RBFOX1: variants seen among roughly 807,000 people sequenced by gnomAD.
The protein encoded by RBFOX1 is RNA binding fox-1 homolog 1, also known as RNA binding protein fox-1 homolog 1.
Under a neutral mutation model 57.7 loss-of-function variants are expected in RBFOX1, and 8 were observed. The observed-to-expected ratio is 0.14, with a 90% CI of 0.08 to 0.25. RBFOX1 has a LOEUF of 0.25. Ranked by LOEUF, RBFOX1 falls within the 10% of genes least tolerant of loss-of-function variation. The probability of loss-of-function intolerance (pLI) is 1.00; values close to 1 mark genes in which losing one functional copy is unlikely to be tolerated. For missense variants in RBFOX1, 611 were observed against 548.5 expected, an observed-to-expected ratio of 1.11 and a Z score of -1.14; for synonymous variants, 326 against 222.4, an observed-to-expected ratio of 1.47 and a Z score of -4.15.
At chr16:7,164,107 C>G (rs1390319143) in intron 4 of RBFOX1, among the ~76,000 whole-genome samples, 3 of 152,006 alleles carry the variant, frequency 2.0e-5, no homozygotes, top group Non-Finnish European at 4.4e-5. Context: ...GTCTTTTCTC[C>G]CTCACCCCCT....
At chr16:6,873,579 G>T (rs570294958) in intron 3 of RBFOX1, among the ~76,000 whole-genome samples, 1 of 152,146 alleles carries the variant, frequency 6.6e-6, no homozygotes, top group East Asian at 1.9e-4. Flanking sequence ...ATAAACTATT[G>T]AGTTAAACAT....
intron 3 of RBFOX1, among the ~76,000 whole-genome samples, chr16:6,730,659 A>G (rs577041291): frequency 3.5e-4 from 53 of 152,336 alleles, no homozygotes; most frequent in Admixed American, 6.5e-4. Flanking sequence ...AAAATCTTCA[A>G]TCATGGTGAA....
At chr16:5,441,624 C>G (rs1167102391) in intron 1 of RBFOX1, among the ~76,000 whole-genome samples, 1 of 152,160 alleles carries the variant, frequency 6.6e-6, no homozygotes, top group African/African-American at 2.4e-5. Context: ...CTTGACCTCC[C>G]AAAGTGCTGG....
At chr16:5,365,545 T>G (rs1011424930) in intron 1 of RBFOX1, among the ~76,000 whole-genome samples, 1 of 152,176 alleles carries the variant, frequency 6.6e-6, no homozygotes, top group African/African-American at 2.4e-5. Flanking sequence ...GGCATGTGCC[T>G]GTAGTCCCAG....
Position 6,659,736 on chromosome 16 carries a change from C to T in RBFOX1, c.-16+5086C>T, listed in dbSNP as rs545011763. ...CTCTAGCTGGTTCACAGTGAGGATT[C>T]TTCACAGTGTTTACAAGCCTGCCCT... On this transcript the variant is annotated intron_variant, in intron 3 of 15. Coordinates refer to ENST00000550418, the MANE Select transcript of RBFOX1 (RefSeq NM_018723.4). Among the ~76,000 whole-genome samples, 5 of 152,254 alleles carry T rather than the reference C, an allele frequency of 3.3e-5. No individual in the cohort carries two copies. In the East Asian group the frequency reaches 9.7e-4, roughly 30 times the overall value.
At chr16:6,636,833 TATA>T (rs1238907425) in intron 2 of RBFOX1, among the ~76,000 whole-genome samples, 3 of 55,368 alleles carry the variant, frequency 5.4e-5, no homozygotes, top group Middle Eastern at 0.011. Flanking sequence ...ATATGTTATA[TATA>T]ATATATAATA....
Position 6,728,742 on chromosome 16 carries a change from G to A in RBFOX1, c.-16+74092G>A, listed in dbSNP as rs533668407. ...ATTTAATGCTCAATAGAAGAAACACGGTGTCTCCTTACCTTCTGAATTTCA... is the reference window on the plus strand; with the variant it reads ...ATTTAATGCTCAATAGAAGAAACACAGTGTCTCCTTACCTTCTGAATTTCA... On this transcript the variant is annotated intron_variant, in intron 3 of 15. Transcript: ENST00000550418. 6.6e-5 allele frequency among the ~76,000 whole-genome samples: 10 copies of A among 152,156 alleles called. No homozygotes were observed. The South Asian group carries it at 1.7e-3, about 25-fold the overall frequency.
chr16:5,975,011 A>G (rs1236486311), intron 4 of RBFOX1, among the ~76,000 whole-genome samples: 1 of 152,168 alleles, frequency 6.6e-6, no homozygotes, highest in Non-Finnish European at 1.5e-5. Flanking sequence ...TCCGTCTCAA[A>G]AATAAATAAA....
intron 3 of RBFOX1, among the ~76,000 whole-genome samples, chr16:5,688,832 G>C (rs1437148456): frequency 1.3e-5 from 2 of 152,152 alleles, no homozygotes; most frequent in Non-Finnish European, 2.9e-5. Context: ...AAGAAAACTA[G>C]AACTAGAGAC....
At chr16:5,574,073 T>A (rs1186166307) in intron 2 of RBFOX1, among the ~76,000 whole-genome samples, 2 of 152,390 alleles carry the variant, frequency 1.3e-5, no homozygotes, top group East Asian at 1.9e-4. Context: ...CTTGAGATTT[T>A]TATCTGTTGC....
intron 1 of RBFOX1, among the ~76,000 whole-genome samples, chr16:6,112,827 A>G (rs1023790886): frequency 1.3e-5 from 2 of 152,190 alleles, no homozygotes; most frequent in East Asian, 3.9e-4. Flanking sequence ...TATCTGAGAG[A>G]TCAGAGTAGG....
At chr16:5,911,216 C>G (rs557225040) in intron 4 of RBFOX1, among the ~76,000 whole-genome samples, 1 of 152,282 alleles carries the variant, frequency 6.6e-6, no homozygotes, top group East Asian at 1.9e-4. Flanking sequence ...CCACCCTGTT[C>G]TCTAGGGCCT....
At chr16:7,041,994 C>G (rs937739982) in intron 3 of RBFOX1, among the ~76,000 whole-genome samples, 2 of 152,146 alleles carry the variant, frequency 1.3e-5, no homozygotes, top group African/African-American at 4.8e-5. Flanking sequence ...TGTTCAAGGA[C>G]TGGACTTCCT....
At chr16:7,219,187 A>C (rs1342239794) in intron 4 of RBFOX1, among the ~76,000 whole-genome samples, 2 of 152,206 alleles carry the variant, frequency 1.3e-5, no homozygotes, top group Non-Finnish European at 2.9e-5. Flanking sequence ...AGTTTCATAC[A>C]CATTGACATA....
intron 1 of RBFOX1, among the ~76,000 whole-genome samples, chr16:5,262,976 AG>A (rs1438840343): frequency 2.0e-5 from 3 of 152,044 alleles, no homozygotes; most frequent in Non-Finnish European, 4.4e-5. Flanking sequence ...CTTTACTTCT[AG>A]GCTGAGTCTG....
chr16:6,698,941 C>T (rs11077072), intron 3 of RBFOX1, among the ~76,000 whole-genome samples: 28,313 of 152,014 alleles, frequency 0.19, 3,485 homozygotes, highest in East Asian at 0.46. Context: ...CCATAGCGTA[C>T]GAAGACTCTA....
At position 6,615,676 on chromosome 16, in the gene RBFOX1, C is replaced by T. The variant is rs181949611; in HGVS notation, c.-63-38927C>T. 2.0e-5 allele frequency among the ~76,000 whole-genome samples: 3 copies of T among 152,264 alleles called. No individual in the cohort carries two copies. The East Asian group carries it at 5.8e-4, about 29-fold the overall frequency. ...CATGAAATGTCCATGTGCTTTCCATCAGCCTTTCCCTCTCCAGGAGAACAT... is the reference window on the plus strand; with the variant it reads ...CATGAAATGTCCATGTGCTTTCCATTAGCCTTTCCCTCTCCAGGAGAACAT... On this transcript the variant is annotated intron_variant, in intron 2 of 15. Transcript: ENST00000550418.
intron 4 of RBFOX1, among the ~76,000 whole-genome samples, chr16:5,908,371 AAGAC>A (rs1567134394): frequency 2.0e-5 from 3 of 148,174 alleles, no homozygotes; most frequent in Admixed American, 1.4e-4. Flanking sequence ...TGTTTTTTGT[AAGAC>A]AGAGTCTGAC....
intron 3 of RBFOX1, among the ~76,000 whole-genome samples, chr16:5,713,513 G>T (rs944563752): frequency 2.6e-5 from 4 of 152,188 alleles, no homozygotes; most frequent in East Asian, 3.9e-4. Context: ...TTGACTCTTT[G>T]TTCCTAAGGA....
Sources: allele counts gnomAD v4.1 joint callset (sites outside exome capture counted in the v4.1 genomes callset), GRCh38; gene constraint gnomAD v4.1.1; transcripts MANE v1.5; gene names NCBI Gene and HGNC (gene_info 2026-07-23, HGNC 2026-07-21).